Variants in TM9SF2 observed in about 807,000 individuals in gnomAD.
TM9SF2 encodes the protein transmembrane 9 superfamily member 2.
Under a neutral mutation model 84.9 loss-of-function variants are expected in TM9SF2, and 13 were observed. That is an observed-to-expected ratio of 0.15 (90% CI 0.10 to 0.24). TM9SF2 has a LOEUF of 0.24. TM9SF2 is among the 10% of genes least tolerant of loss of function. The pLI, the probability that TM9SF2 is intolerant of heterozygous loss-of-function variation, is 1.00. For missense variants in TM9SF2, 562 were observed against 818.5 expected (o/e 0.69, Z 3.82); for synonymous variants, 273 against 285.8 (o/e 0.96, Z 0.45).
At chr13:99,552,707 G>A (rs942575529) in intron 13 of TM9SF2, among the ~76,000 whole-genome samples, 14 of 152,190 alleles carry the variant, frequency 9.2e-5, no homozygotes, top group Non-Finnish European at 1.6e-4. Flanking sequence ...GGGTTAAAGC[G>A]ATTTTCCTGC....
chr13:99,552,169 T>C lies in TM9SF2; in HGVS notation c.1331T>C (p.Ile444Thr), dbSNP rs1267183177. ...CAAAAGCCTGTTGTGTCTTTCAGGA[T>C]TGTATTTGCTGACTTCTTTATAATG... is the stretch of plus-strand genomic sequence containing the variant. The part of the protein sequence containing the change: ...VLLTSFLCPG[I>T]VFADFFIMNL... Residue 444 changes from isoleucine to threonine, a missense_variant and splice_region_variant, in exon 13 of 17, where the codon ATT (isoleucine) becomes ACT (threonine). This residue lies in a region of TM9SF2 where 219 missense variants were observed against 338.1 expected (regional missense o/e 0.65). Coordinates refer to ENST00000376387, the MANE Select transcript of TM9SF2 (RefSeq NM_004800.3). The C allele has an allele frequency of 6.2e-7, 1 of 1,613,044 alleles. No individual in the cohort carries two copies. The highest frequency in any genetic ancestry group is 2.2e-5 in the East Asian group (1 of 44,840).
intron 2 of TM9SF2, chr13:99,519,601 C>T (rs938735724): frequency 1.9e-5 from 3 of 158,586 alleles, no homozygotes; most frequent in African/African-American, 7.2e-5. Flanking sequence ...GATGTGTTGG[C>T]AAGTGTACTG....
At chr13:99,541,139 T>C (rs1385667138) in intron 8 of TM9SF2, among the ~76,000 whole-genome samples, 2 of 152,236 alleles carry the variant, frequency 1.3e-5, no homozygotes, top group Non-Finnish European at 2.9e-5. Flanking sequence ...ATTCAAAACT[T>C]TTATCTAGAG....
chr13:99,541,632 A>G lies in TM9SF2; in HGVS notation c.982A>G (p.Lys328Glu), dbSNP rs751683936. The change falls in exon 9 of 17, where the codon AAA (lysine) becomes GAA (glutamate). Residue 328 changes from lysine (K) to glutamate (E), a missense_variant. Physicochemically the swap from Lys to Glu is moderately conservative, Grantham distance 56. Around this residue, in one of 4 missense-constraint regions of TM9SF2, gnomAD observed 219 missense variants for 338.1 expected, o/e 0.65. Transcript: ENST00000376387. ...TATGATTATGTTACGGACACTGCAC[A>G]AAGATATTGCTAGATATAATCAGAT... ...VAMIMLRTLH[K>E]DIARYNQMDS... The G allele has an allele frequency of 1.2e-6, 2 of 1,613,068 alleles. No homozygotes were observed. The highest frequency in any genetic ancestry group is 1.7e-6 in the Non-Finnish European group (2 of 1,179,318).
intron 1 of TM9SF2, 61 bp downstream of exon 1, chr13:99,501,838 G>C: frequency 1.3e-6 from 2 of 1,552,748 alleles, no homozygotes; most frequent in African/African-American, 1.4e-5. Flanking sequence ...TCCCTATCCG[G>C]GGGAGCTGAT....
chr13:99,560,441 G>A (rs887550354), intron 16 of TM9SF2, among the ~76,000 whole-genome samples: 6 of 152,088 alleles, frequency 3.9e-5, no homozygotes, highest in African/African-American at 1.4e-4. Context: ...TTGGTGCTAC[G>A]TGATAAATTT....
At chr13:99,548,386 T>G (rs1258327706) in intron 11 of TM9SF2, among the ~76,000 whole-genome samples, 1 of 152,250 alleles carries the variant, frequency 6.6e-6, no homozygotes, top group Non-Finnish European at 1.5e-5. Context: ...CTTATGTGTA[T>G]ATGTAATTTT....
At chr13:99,527,624 A>G (rs2046189616) in intron 3 of TM9SF2, among the ~76,000 whole-genome samples, 1 of 152,208 alleles carries the variant, frequency 6.6e-6, no homozygotes, top group South Asian at 2.1e-4. Context: ...AACCACATCA[A>G]TCCTGATGGT....
At chr13:99,544,123 G>A (rs568889683) in intron 10 of TM9SF2, 128 bp downstream of exon 10, 647 of 996,060 alleles carry the variant, frequency 6.5e-4, no homozygotes, top group Non-Finnish European at 7.7e-4. Flanking sequence ...AGGCCAAGGC[G>A]GGTGGATGAC....
At chr13:99,517,468 T>G (rs1389162247) in intron 1 of TM9SF2, 146 bp from the exon 2 acceptor site, 4 of 523,826 alleles carry the variant, frequency 7.6e-6, no homozygotes, top group Non-Finnish European at 1.3e-5. Flanking sequence ...AGTCAGTGAA[T>G]GGATTTGTAA....
chr13:99,522,867 A>G (rs1483661335), intron 3 of TM9SF2, among the ~76,000 whole-genome samples: 1 of 152,178 alleles, frequency 6.6e-6, no homozygotes, highest in African/African-American at 2.4e-5. Flanking sequence ...TTGCTCATAC[A>G]CAGGACCCTT....
intron 3 of TM9SF2, among the ~76,000 whole-genome samples, chr13:99,528,204 A>G (rs1036701420): frequency 3.3e-5 from 5 of 152,210 alleles, no homozygotes; most frequent in African/African-American, 1.2e-4. Context: ...AAAATTCCCA[A>G]CTAAACACAT....
At chr13:99,534,227 A>G (rs960588302) in intron 4 of TM9SF2, among the ~76,000 whole-genome samples, 2 of 152,210 alleles carry the variant, frequency 1.3e-5, no homozygotes, top group Non-Finnish European at 2.9e-5. Context: ...TCTTAGTATC[A>G]TAGAACCACT....
intron 1 of TM9SF2, among the ~76,000 whole-genome samples, chr13:99,502,668 A>C (rs777625333): frequency 4.1e-4 from 62 of 152,238 alleles, no homozygotes; most frequent in Non-Finnish European, 7.1e-4. Context: ...AGGGCTTTAC[A>C]GTATACATAC....
chr13:99,549,134 GTATT>G, intron 11 of TM9SF2, 27 bp from the exon 12 acceptor site: 1 of 1,591,988 alleles, frequency 6.3e-7, no homozygotes, highest in Non-Finnish European at 8.6e-7. Context: ...AAGAAAATCT[GTATT>G]TATACAACTT....
chr13:99,504,868 C>CATTCAGAT (rs2046082091), intron 1 of TM9SF2, among the ~76,000 whole-genome samples: 1 of 152,168 alleles, frequency 6.6e-6, no homozygotes, highest in Admixed American at 6.5e-5. Flanking sequence ...CCTGTACAAT[C>CATTCAGAT]TGTGGTTTGC....
chr13:99,556,725 A>C (rs1848854728), intron 15 of TM9SF2, among the ~76,000 whole-genome samples: 1 of 152,078 alleles, frequency 6.6e-6, no homozygotes, highest in Admixed American at 6.5e-5. Context: ...CTGGGACTAC[A>C]GGCGCCTGCC....
intron 5 of TM9SF2, 146 bp downstream of exon 5, chr13:99,536,883 C>T (rs1485183416): frequency 9.6e-6 from 8 of 835,046 alleles, no homozygotes; most frequent in Non-Finnish European, 1.4e-5. Context: ...CTTAAACTTA[C>T]AGCAGATTAA....
intron 4 of TM9SF2, among the ~76,000 whole-genome samples, chr13:99,535,446 G>T (rs555677514): frequency 6.6e-6 from 1 of 152,016 alleles, no homozygotes; most frequent in Admixed American, 6.6e-5. Context: ...AGCAATTAAC[G>T]GATTCGTTAA....
Sources: gnomAD v4.1 joint callset for allele counts (sites outside exome capture counted in the v4.1 genomes callset) on GRCh38, gnomAD v4.1.1 for gene constraint, gnomAD v4.1.1 regional missense constraint, MANE v1.5 for transcripts, NCBI Gene and HGNC (gene_info 2026-07-23, HGNC 2026-07-21) for gene names.